The following PDZRN4 variants were observed in gnomAD, a reference collection of about 807,000 sequenced individuals.
The protein encoded by PDZRN4 is PDZ domain containing ring finger 4.
PDZRN4 carries 70 observed loss-of-function variants against 99.0 expected under a neutral mutation model. The observed-to-expected ratio is 0.71, with a 90% CI of 0.58 to 0.86. The LOEUF (loss-of-function observed/expected upper bound fraction) is 0.86. Among genes scored for constraint, PDZRN4 ranks in the 40% least tolerant of loss-of-function variants. PDZRN4 has a pLI of 0.00. For synonymous variants in PDZRN4, 551 were observed against 501.6 expected (o/e 1.10, Z -1.32); for missense variants, 1,474 against 1,331.2 (o/e 1.11, Z -1.67).
intron 3 of PDZRN4, among the ~76,000 whole-genome samples, chr12:41,301,941 T>G (rs1274476047): frequency 2.6e-5 from 4 of 152,110 alleles, no homozygotes; most frequent in Admixed American, 6.6e-5. Context: ...AATCTGTTGA[T>G]GTCATTATAT....
At chr12:41,348,817 A>T (rs1332020533) in intron 3 of PDZRN4, among the ~76,000 whole-genome samples, 1 of 152,050 alleles carries the variant, frequency 6.6e-6, no homozygotes, top group Non-Finnish European at 1.5e-5. Context: ...CTGGGTTCAG[A>T]TTTCACATCA....
rs186231277 is a variant in PDZRN4 at position 41,410,400 on chromosome 12, T to G, written c.844-96056T>G. On this transcript the variant is annotated intron_variant, in intron 3 of 9. Transcript: ENST00000402685. ...ACGGTAAAGATGAATATTCTGAAAC[T>G]TGTGCATAAGTCTGCCTTTAAATAT... Among the ~76,000 whole-genome samples, 485 of 152,316 alleles carry G rather than the reference T, an allele frequency of 3.2e-3. 5 individuals are homozygous for G. Among genetic ancestry groups the G allele is most frequent in the African/African-American group, 0.011 (451 of 41,574 alleles).
chr12:41,261,280 T>C (rs1951237993), intron 3 of PDZRN4, among the ~76,000 whole-genome samples: 1 of 152,164 alleles, frequency 6.6e-6, no homozygotes, highest in African/African-American at 2.4e-5. Context: ...ACTGTAGTAT[T>C]TAGTAGGAGG....
chr12:41,341,531 A>G (rs1951816745), intron 3 of PDZRN4, among the ~76,000 whole-genome samples: 1 of 151,874 alleles, frequency 6.6e-6, no homozygotes, highest in South Asian at 2.1e-4. Flanking sequence ...TATAAAAATC[A>G]GTAGCATTTC....
At chr12:41,437,681 A>T (rs1952642230) in intron 3 of PDZRN4, 13 of 1,227,406 alleles carry the variant, frequency 1.1e-5, no homozygotes, top group African/African-American at 3.0e-5. Context: ...ACTGATGCAG[A>T]GACGGGGGAG....
chr12:41,437,464 A>G (rs573032088), intron 3 of PDZRN4, among the ~76,000 whole-genome samples: 1 of 152,282 alleles, frequency 6.6e-6, no homozygotes, highest in African/African-American at 2.4e-5. Flanking sequence ...CAAATGCCCT[A>G]TATGCAACCC....
intron 3 of PDZRN4, among the ~76,000 whole-genome samples, chr12:41,394,110 G>T (rs1249254950): frequency 6.6e-6 from 1 of 152,048 alleles, no homozygotes; most frequent in Non-Finnish European, 1.5e-5. Context: ...CCTTGTTCTG[G>T]GTTGCAGACA....
intron 3 of PDZRN4, among the ~76,000 whole-genome samples, chr12:41,210,227 A>G (rs866135042): frequency 8.6e-5 from 13 of 151,702 alleles, no homozygotes; most frequent in Admixed American, 3.9e-4. Flanking sequence ...GTTTGAGTTC[A>G]TTGTAGATTC....
chr12:41,232,812 T>C (rs192659286), intron 3 of PDZRN4, among the ~76,000 whole-genome samples: 139 of 152,162 alleles, frequency 9.1e-4, no homozygotes, highest in Non-Finnish European at 1.6e-3. Flanking sequence ...AGGTCTAACA[T>C]TTAAGTCTTT....
At position 41,573,150 on chromosome 12, in the gene PDZRN4, A is replaced by G; in HGVS notation, c.2371A>G (p.Thr791Ala). 1 of 1,614,054 alleles carries G rather than the reference A, an allele frequency of 6.2e-7. No homozygotes were observed. Among genetic ancestry groups the G allele is most frequent in the Non-Finnish European group, 8.5e-7 (1 of 1,180,000 alleles). Residue 791 changes from threonine to alanine, a missense_variant, in exon 10 of 10, where the codon ACC becomes GCC. Transcript: ENST00000402685. ...SSSGQSSKES[T>A]STKAKTTEQG... ...TTCCGGACAGAGCAGTAAAGAGTCG[A>G]CCTCCACCAAAGCCAAAACCACTGA...
Position 41,254,511 on chromosome 12 carries a change from G to A in PDZRN4, c.843+60323G>A, listed in dbSNP as rs559282600. Among the ~76,000 whole-genome samples, 4 of 152,252 alleles carry A rather than the reference G, an allele frequency of 2.6e-5. No individual in the cohort carries two copies. In the East Asian group the frequency reaches 7.7e-4, roughly 29 times the overall value. ...TATGCGAATGTTGATATTTAGTGTTGTTTGAATAAGATATATGTAAAAGCC... is the reference window on the plus strand; with the variant it reads ...TATGCGAATGTTGATATTTAGTGTTATTTGAATAAGATATATGTAAAAGCC... On this transcript the variant is annotated intron_variant, in intron 3 of 9. Coordinates refer to ENST00000402685, the MANE Select transcript of PDZRN4 (RefSeq NM_001164595.2).
intron 5 of PDZRN4, among the ~76,000 whole-genome samples, chr12:41,534,539 T>C (rs1340013089): frequency 1.3e-5 from 2 of 152,154 alleles, no homozygotes; most frequent in African/African-American, 2.4e-5. Flanking sequence ...AGTGAGAATA[T>C]GCATTGTTTG....
At chr12:41,349,940 AACACCACATGGTTGGAGTAAAGGGT>A (rs1951879219) in intron 3 of PDZRN4, among the ~76,000 whole-genome samples, 1 of 151,888 alleles carries the variant, frequency 6.6e-6, no homozygotes, top group African/African-American at 2.4e-5. Flanking sequence ...AATTGCAAAT[AACACCACATGGTTGGAGTAAAGGGT>A]ACAGGAGCAA....
chr12:41,337,446 A>T (rs1189480577), intron 3 of PDZRN4, among the ~76,000 whole-genome samples: 1 of 152,122 alleles, frequency 6.6e-6, no homozygotes, highest in Non-Finnish European at 1.5e-5. Flanking sequence ...AATGGGGAAG[A>T]TAAATGGACA....
chr12:41,366,088 G>A (rs1361183243), intron 3 of PDZRN4, among the ~76,000 whole-genome samples: 1 of 152,120 alleles, frequency 6.6e-6, no homozygotes, highest in African/African-American at 2.4e-5. Flanking sequence ...ATGACCAAGA[G>A]ATGAGAGCAA....
chr12:41,516,139 A>G (rs1938397397), intron 5 of PDZRN4, among the ~76,000 whole-genome samples: 2 of 152,054 alleles, frequency 1.3e-5, no homozygotes, highest in Admixed American at 6.6e-5. Flanking sequence ...TCCTCCTGCC[A>G]TGTACCGCAA....
chr12:41,252,285 T>C (rs1029962982), intron 3 of PDZRN4, among the ~76,000 whole-genome samples: 15 of 152,080 alleles, frequency 9.9e-5, no homozygotes, highest in Admixed American at 5.2e-4. Context: ...CTTTTGATAA[T>C]AGCAAATATC....
intron 3 of PDZRN4, among the ~76,000 whole-genome samples, chr12:41,503,400 A>G (rs1203913435): frequency 6.6e-6 from 1 of 152,152 alleles, no homozygotes; most frequent in Non-Finnish European, 1.5e-5. Context: ...TAATAAATAA[A>G]TGAATGTATA....
At chr12:41,419,415 C>CAGCT (rs1405270477) in intron 3 of PDZRN4, among the ~76,000 whole-genome samples, 1 of 152,146 alleles carries the variant, frequency 6.6e-6, no homozygotes. Flanking sequence ...GCCCCTCAGA[C>CAGCT]AGCTGGTCCA....
Sources: allele counts gnomAD v4.1 joint callset (sites outside exome capture counted in the v4.1 genomes callset), GRCh38; gene constraint gnomAD v4.1.1; transcripts MANE v1.5; gene names NCBI Gene and HGNC (gene_info 2026-07-23, HGNC 2026-07-21).